The following LRRC75B variants were observed in gnomAD, a reference collection of about 807,000 sequenced individuals.
LRRC75B encodes leucine-rich repeat-containing protein 75B.
Under a neutral mutation model 16.5 loss-of-function variants are expected in LRRC75B, and 20 were observed. The ratio of observed to expected loss-of-function variants is 1.21; its 90% confidence interval spans 0.85 to 1.76. LRRC75B has a LOEUF of 1.76. LRRC75B is among the 40% of genes most tolerant of loss of function. LRRC75B has a pLI of 0.00. For synonymous variants in LRRC75B, 199 were observed against 198.1 expected (o/e 1.00, Z -0.04); for missense variants, 406 against 417.0 (o/e 0.97, Z 0.23).
At position 24,586,126 on chromosome 22, in the gene LRRC75B, G is replaced by C. The variant is rs760017541; in HGVS notation, c.708C>G (p.Thr236=). The change falls in exon 4 of 4, where the codon ACC becomes ACG. Residue 236 remains threonine, a synonymous_variant. Transcript: ENST00000318753. ...CCACCCAAGCCAAAGCAGGGAACTT[G>C]GTGGTGTCCTTGATGGCATCAGTGA... is the stretch of plus-strand genomic sequence containing the variant. ...RKLTDAIKDT[T]KFPALAWVDL... 10 of 1,613,110 alleles carry C rather than the reference G, an allele frequency of 6.2e-6. No individual in the cohort carries two copies. Among genetic ancestry groups the C allele is most frequent in the Non-Finnish European group, 7.6e-6 (9 of 1,179,974 alleles).
rs2045480932 is a variant in LRRC75B, at chr22:24,588,806, T to C, written c.307-477A>G. 9.9e-6 allele frequency: 10 copies of C among 1,013,898 alleles called. No homozygotes were observed. The South Asian group carries it at 3.3e-4, about 34-fold the overall frequency. 62.8% of individuals were successfully genotyped at this position (1,013,898 alleles called of 1,614,324 possible). A position where few individuals can be genotyped will look rare whatever the true frequency, so the allele number is the denominator to read the frequency against. ...CTCACTCTCCAAGCGAGACTGCGCC[T>C]GCGGGGTCTGGGTCTGGGCTGACAG... On this transcript the variant is annotated intron_variant, in intron 2 of 3. Coordinates refer to ENST00000318753, the MANE Select transcript of LRRC75B (RefSeq NM_207644.3).
At chr22:24,587,336 G>A (rs2045425241) in intron 3 of LRRC75B, among the ~76,000 whole-genome samples, 1 of 152,154 alleles carries the variant, frequency 6.6e-6, no homozygotes, top group Non-Finnish European at 1.5e-5. Flanking sequence ...AGACTGAGAA[G>A]GACCCCCGCC....
chr22:24,592,077 T>G (rs532340351), intron 1 of LRRC75B: 1 of 346,660 alleles, frequency 2.9e-6, no homozygotes, highest in East Asian at 8.3e-5. Flanking sequence ...GCTGACTTCC[T>G]GCTCACAGGA....
chr22:24,589,379 G>A, intron 2 of LRRC75B: 1 of 1,115,656 alleles, frequency 9.0e-7, no homozygotes, highest in Non-Finnish European at 1.1e-6. Context: ...AAGGGTGTCT[G>A]TACAGGATGG....
chr22:24,585,923 C>G lies in LRRC75B; in HGVS notation c.911G>C (p.Gly304Ala). 1 of 1,605,996 alleles carries G rather than the reference C, an allele frequency of 6.2e-7. No individual in the cohort carries two copies. The highest frequency in any genetic ancestry group is 1.1e-5 in the South Asian group (1 of 90,810). The change falls in exon 4 of 4, where the codon GGG becomes GCG. Residue 304 changes from glycine (G) to alanine (A), a missense_variant. Coordinates refer to ENST00000318753, the MANE Select transcript of LRRC75B (RefSeq NM_207644.3). Reference protein sequence around the residue: ...PASTWDSTAAGLGPEPQACCA... With the variant: ...PASTWDSTAAALGPEPQACCA... ...GCAGGCCTGGGGCTCGGGTCCCAGC[C>G]CAGCAGCTGTGGAGTCCCAGGTGGA...
At position 24,591,056 on chromosome 22, in the gene LRRC75B, G is replaced by A. The variant is rs371892250; in HGVS notation, c.178-1107C>T. 6.6e-5 allele frequency among the ~76,000 whole-genome samples: 10 copies of A among 152,214 alleles called. No homozygotes were observed. In the South Asian group the frequency reaches 1.0e-3, roughly 16 times the overall value. On this transcript the variant is annotated intron_variant, in intron 1 of 3. Transcript: ENST00000318753. ...TCCTCCTGTCTACTCCCACAGGACT[G>A]GTGTGGGGCTGAATACTCTTTCAGA...
chr22:24,586,289 A>G lies in LRRC75B; in HGVS notation c.545T>C (p.Leu182Pro), dbSNP rs1477153258. ...TRYLSSHGAV[L>P]AVLDLSFTGL... is the part of the protein sequence containing the mutation. Reference sequence around the variant, plus strand: ...CGTGAAGCTCAGGTCCAGCACCGCCAGCACAGCACCATGGCTGCTCAGGTA... The same window carrying G: ...CGTGAAGCTCAGGTCCAGCACCGCCGGCACAGCACCATGGCTGCTCAGGTA... Residue 182 changes from leucine to proline, a missense_variant, in exon 4 of 4, where the codon CTG becomes CCG. By Grantham distance (98) the Leu-to-Pro change is moderately conservative. Coordinates refer to ENST00000318753, the MANE Select transcript of LRRC75B (RefSeq NM_207644.3). The G allele has an allele frequency of 6.2e-7, 1 of 1,614,010 alleles. No individual in the cohort carries two copies.
intron 1 of LRRC75B, chr22:24,592,492 T>A (rs1287540437): frequency 4.5e-6 from 2 of 448,902 alleles, no homozygotes; most frequent in African/African-American, 4.0e-5. Flanking sequence ...CACTTGCCAC[T>A]CCTCCCGGGC....
chr22:24,588,684 G>A (rs527994817), intron 2 of LRRC75B: 1 of 1,106,078 alleles, frequency 9.0e-7, no homozygotes, highest in Non-Finnish European at 1.1e-6. Context: ...CTTGCCACAG[G>A]GGGAGGAGGC....
At chr22:24,588,992 G>A (rs2147159746) in intron 2 of LRRC75B, 2 of 1,011,642 alleles carry the variant, frequency 2.0e-6, no homozygotes, top group Non-Finnish European at 2.4e-6. Flanking sequence ...CCCTCTGTGA[G>A]CAGCCCCAGG....
chr22:24,586,465 TGACCACA>T, intron 3 of LRRC75B, 54 bp from the exon 4 acceptor site: 1 of 1,554,850 alleles, frequency 6.4e-7, no homozygotes, highest in Non-Finnish European at 8.7e-7. Flanking sequence ...GTCCCCCCAC[TGACCACA>T]GACAGTGACC....
At chr22:24,588,621 A>G in intron 2 of LRRC75B, 1 of 1,058,148 alleles carries the variant, frequency 9.5e-7, no homozygotes, top group Non-Finnish European at 1.2e-6. Flanking sequence ...GCCCAGGGCC[A>G]GCGTCTCGGG....
chr22:24,593,060 C>T lies in LRRC75B; in HGVS notation c.-21G>A. ...CCCATGGCCGCCGCGCGATGGTCGC[C>T]GAACCCACAGGAGGCCGGGCTGTCT... is the stretch of plus-strand genomic sequence containing the variant. On this transcript the variant is annotated 5_prime_UTR_variant, in exon 1 of 4. Transcript: ENST00000318753. 9.6e-7 allele frequency: 1 copy of T among 1,038,656 alleles called. No homozygotes were observed. The highest frequency in any genetic ancestry group is 4.5e-5 in the South Asian group (1 of 22,464). The allele number at this position is 1,038,656 out of a possible 1,614,324, so 64.3% of individuals were successfully genotyped here. A position where few individuals can be genotyped will look rare whatever the true frequency, so the allele number is the denominator to read the frequency against.
At chr22:24,587,250 G>C (rs1229731024) in intron 3 of LRRC75B, among the ~76,000 whole-genome samples, 1 of 152,204 alleles carries the variant, frequency 6.6e-6, no homozygotes, top group African/African-American at 2.4e-5. Context: ...TGAAAGGGGA[G>C]GTCCTGGGTG....
intron 1 of LRRC75B, chr22:24,592,488 C>T (rs372267634): frequency 1.1e-5 from 5 of 452,128 alleles, no homozygotes; most frequent in Admixed American, 2.5e-5. Context: ...ACCTCACTTG[C>T]CACTCCTCCC....
chr22:24,592,807 A>C, intron 1 of LRRC75B, 56 bp downstream of exon 1: 2 of 1,243,972 alleles, frequency 1.6e-6, no homozygotes, highest in Non-Finnish European at 2.0e-6. Context: ...CCAGACCCCC[A>C]GACCCCCAGA....
intron 3 of LRRC75B, among the ~76,000 whole-genome samples, chr22:24,587,500 A>G (rs569557954): frequency 5.9e-5 from 9 of 152,336 alleles, no homozygotes; most frequent in Non-Finnish European, 8.8e-5. Flanking sequence ...AGCGTGGCCT[A>G]TTAGGCCCAA....
intron 2 of LRRC75B, chr22:24,589,059 C>A (rs1408083012): frequency 1.8e-5 from 19 of 1,030,322 alleles, no homozygotes; most frequent in Admixed American, 5.8e-5. Context: ...TGGCCGTGGG[C>A]TAGGCGCAGA....
Position 24,592,822 on chromosome 22 carries a change from C to T in LRRC75B, c.177+41G>A, listed in dbSNP as rs961333770. 5.5e-6 allele frequency: 7 copies of T among 1,266,052 alleles called. No homozygotes were observed. The South Asian group carries it at 1.6e-4, about 29-fold the overall frequency. 78.4% of individuals were successfully genotyped at this position (1,266,052 alleles called of 1,614,324 possible). A position where few individuals can be genotyped will look rare whatever the true frequency, so the allele number is the denominator to read the frequency against. ...CCAGACCCCCAGACCCCCAGACCCT[C>T]CCTGGCCGCCAGCCCAGGGGCGGAC... is the stretch of plus-strand genomic sequence containing the variant. On this transcript the variant is annotated intron_variant, in intron 1 of 3. Coordinates refer to ENST00000318753, the MANE Select transcript of LRRC75B (RefSeq NM_207644.3).
Sources: gnomAD v4.1 joint callset for allele counts (sites outside exome capture counted in the v4.1 genomes callset) on GRCh38, gnomAD v4.1.1 for gene constraint, MANE v1.5 for transcripts, NCBI Gene and HGNC (gene_info 2026-07-23, HGNC 2026-07-21) for gene names.